The following MSANTD3 variants were observed in gnomAD, a reference collection of about 807,000 sequenced individuals.
MSANTD3 encodes the protein Myb/SANT DNA binding domain containing 3.
In MSANTD3, 11 loss-of-function variants were observed where a neutral mutation model predicts 27.7. That is an observed-to-expected ratio of 0.40 (90% CI 0.25 to 0.66). The LOEUF is 0.66. Ranked by LOEUF, MSANTD3 falls within the 30% of genes least tolerant of loss-of-function variation. The pLI, the probability that MSANTD3 is intolerant of heterozygous loss-of-function variation, is 0.41. For missense variants in MSANTD3, 250 were observed against 336.5 expected, an observed-to-expected ratio of 0.74 and a Z score of 2.01; for synonymous variants, 131 against 127.2, an observed-to-expected ratio of 1.03 and a Z score of -0.20.
At chr9:100,450,300 C>T (rs1168332460) in intron 2 of MSANTD3, among the ~76,000 whole-genome samples, 2 of 152,162 alleles carry the variant, frequency 1.3e-5, no homozygotes, top group Non-Finnish European at 2.9e-5. Context: ...TTTCTGACCA[C>T]GGATCCCATA....
chr9:100,446,957 T>C (rs1221091084), intron 2 of MSANTD3, among the ~76,000 whole-genome samples: 1 of 152,188 alleles, frequency 6.6e-6, no homozygotes, highest in Non-Finnish European at 1.5e-5. Context: ...CCCTATTTCC[T>C]GTATCTGGGG....
intron 2 of MSANTD3, among the ~76,000 whole-genome samples, chr9:100,446,653 C>T (rs141702237): frequency 9.5e-4 from 145 of 152,126 alleles, no homozygotes; most frequent in African/African-American, 3.3e-3. Context: ...TGGCAAAACT[C>T]CTATCTTTAC....
In MSANTD3 at chr9:100,442,328, C is replaced by T. The variant is rs145549170; in HGVS notation, c.390C>T (p.Pro130=). The T allele has an allele frequency of 3.9e-5, 63 of 1,613,326 alleles. No homozygotes were observed. In the African/African-American group the frequency reaches 5.7e-4, roughly 15 times the overall value. Reference sequence around the variant, plus strand: ...TGCAGAGCCCCCCGGAGGAGGAGCCCGAATACCACCCCGACGCCTCAGCCC... The same window carrying T: ...TGCAGAGCCCCCCGGAGGAGGAGCCTGAATACCACCCCGACGCCTCAGCCC... ...YFLQSPPEEE[P]EYHPDASAQE... The change falls in exon 2 of 3, where the codon CCC becomes CCT. Residue 130 remains proline, a synonymous_variant. Coordinates refer to ENST00000395067, the MANE Select transcript of MSANTD3 (RefSeq NM_080655.3).
intron 2 of MSANTD3, chr9:100,445,333 C>A: frequency 1.3e-6 from 1 of 757,040 alleles, no homozygotes; most frequent in Non-Finnish European, 2.2e-6. Context: ...TAACACTGTG[C>A]TGTCTAATAC....
chr9:100,442,294 T>G lies in MSANTD3; in HGVS notation c.356T>G (p.Leu119Arg). The G allele has an allele frequency of 1.2e-6, 2 of 1,614,108 alleles. No individual in the cohort carries two copies. Among genetic ancestry groups the G allele is most frequent in the Non-Finnish European group, 1.7e-6 (2 of 1,180,032 alleles). ...ATCGCCAGCATGCTGCCGGAGCAGC[T>G]CTACTTCCTGCAGAGCCCCCCGGAG... is the stretch of plus-strand genomic sequence containing the variant. ...EKIASMLPEQ[L>R]YFLQSPPEEE... Residue 119 changes from leucine (L) to arginine (R), a missense_variant, in exon 2 of 3, where the codon CTC becomes CGC. Physicochemically the swap from Leu to Arg is moderately radical, Grantham distance 102. Transcript: ENST00000395067.
chr9:100,429,992 C>T (rs557615681), intron 1 of MSANTD3, among the ~76,000 whole-genome samples: 31 of 151,676 alleles, frequency 2.0e-4, no homozygotes, highest in African/African-American at 7.5e-4. Flanking sequence ...CGTGAGCCAC[C>T]GTGCCCAGCT....
chr9:100,428,675 AG>A (rs777233058), intron 1 of MSANTD3, among the ~76,000 whole-genome samples: 106 of 152,236 alleles, frequency 7.0e-4, no homozygotes, highest in Non-Finnish European at 1.4e-3. Flanking sequence ...AGATTGATGG[AG>A]GGTCAGGTGA....
intron 2 of MSANTD3, among the ~76,000 whole-genome samples, chr9:100,445,843 A>C (rs1836740100): frequency 6.6e-6 from 1 of 152,184 alleles, no homozygotes; most frequent in Admixed American, 6.5e-5. Flanking sequence ...ACTTTCTGAA[A>C]ATGTCCATCT....
intron 2 of MSANTD3, among the ~76,000 whole-genome samples, chr9:100,449,345 A>G (rs191666201): frequency 1.3e-5 from 2 of 152,360 alleles, no homozygotes; most frequent in East Asian, 3.9e-4. Flanking sequence ...TTTACTAGGC[A>G]TCCATTGTGT....
intron 2 of MSANTD3, among the ~76,000 whole-genome samples, chr9:100,446,226 C>T (rs1450751756): frequency 6.6e-6 from 1 of 152,116 alleles, no homozygotes; most frequent in Non-Finnish European, 1.5e-5. Flanking sequence ...TAATAAATGC[C>T]ATTATTATTA....
In MSANTD3 at chr9:100,427,242, C is replaced by G. The variant is rs1836264420; in HGVS notation, c.-185C>G. ...GGCGCGCGCGGCGGGGCCTGGCCGG[C>G]CGGGGGCGCGCCGCCGCCGCCGCCG... On this transcript the variant is annotated 5_prime_UTR_variant, in exon 1 of 3. Coordinates refer to ENST00000395067, the MANE Select transcript of MSANTD3 (RefSeq NM_080655.3). The G allele has an allele frequency of 6.9e-6, 1 of 145,590 alleles. No homozygotes were observed. Among genetic ancestry groups the G allele is most frequent in the African/African-American group, 2.5e-5 (1 of 40,684 alleles). 9.0% of individuals were successfully genotyped at this position (145,590 alleles called of 1,614,324 possible).
intron 1 of MSANTD3, among the ~76,000 whole-genome samples, chr9:100,434,203 A>G (rs1292439120): frequency 1.3e-5 from 2 of 152,176 alleles, no homozygotes; most frequent in African/African-American, 2.4e-5. Flanking sequence ...CTGTGGACAC[A>G]TATACATCCT....
At chr9:100,439,012 C>T (rs1435586082) in intron 1 of MSANTD3, among the ~76,000 whole-genome samples, 1 of 152,158 alleles carries the variant, frequency 6.6e-6, no homozygotes, top group Non-Finnish European at 1.5e-5. Flanking sequence ...TGACATGTGT[C>T]CGAACCTCCC....
chr9:100,434,991 G>C (rs1428198561), intron 1 of MSANTD3, among the ~76,000 whole-genome samples: 1 of 148,258 alleles, frequency 6.7e-6, no homozygotes, highest in Non-Finnish European at 1.5e-5. Flanking sequence ...ACACACACAC[G>C]TGCGCACACA....
chr9:100,427,656 GTGGGCTT>G (rs1172380083), intron 1 of MSANTD3: 1 of 152,238 alleles, frequency 6.6e-6, no homozygotes, highest in Non-Finnish European at 1.5e-5. Context: ...TGGGAGCGGG[GTGGGCTT>G]TGGACTCCCG....
chr9:100,449,483 G>A (rs1836831790), intron 2 of MSANTD3, among the ~76,000 whole-genome samples: 1 of 152,178 alleles, frequency 6.6e-6, no homozygotes, highest in African/African-American at 2.4e-5. Context: ...GTTTCACAGA[G>A]CAAGCGGCAT....
At position 100,427,146 on chromosome 9, in the gene MSANTD3, G is replaced by C. The variant is rs1382113721; in HGVS notation, c.-281G>C. On this transcript the variant is annotated 5_prime_UTR_variant, in exon 1 of 3. Transcript: ENST00000395067. ...GCGGGGCCGCGCTCCCGCCCTCCTC[G>C]GCGGCGCCGACGGACCGGCAGGCGG... 6.7e-6 allele frequency: 1 copy of C among 148,658 alleles called. No homozygotes were observed. The highest frequency in any genetic ancestry group is 2.4e-5 in the African/African-American group (1 of 41,010). The allele number at this position is 148,658 out of a possible 1,614,324, so 9.2% of individuals were successfully genotyped here.
At chr9:100,450,482 T>C in intron 2 of MSANTD3, 75 bp from the exon 3 acceptor site, 2 of 1,366,892 alleles carry the variant, frequency 1.5e-6, no homozygotes, top group Non-Finnish European at 2.0e-6. Flanking sequence ...ACCCTGTCAT[T>C]TGAAATAGGA....
chr9:100,446,155 A>G (rs1485947661), intron 2 of MSANTD3, among the ~76,000 whole-genome samples: 1 of 152,214 alleles, frequency 6.6e-6, no homozygotes, highest in Non-Finnish European at 1.5e-5. Context: ...TCTTAGGATA[A>G]TTTATATTTA....
Sources: allele counts gnomAD v4.1 joint callset (sites outside exome capture counted in the v4.1 genomes callset), GRCh38; gene constraint gnomAD v4.1.1; transcripts MANE v1.5; gene names NCBI Gene and HGNC (gene_info 2026-07-23, HGNC 2026-07-21).